PARD3: variants seen among roughly 807,000 people sequenced by gnomAD.
PARD3 encodes the protein par-3 family cell polarity regulator.
In PARD3, 75 loss-of-function variants were observed where a neutral mutation model predicts 155.4. That is an observed-to-expected ratio of 0.48 (90% CI 0.40 to 0.58). PARD3 has a LOEUF of 0.58. Among genes scored for constraint, PARD3 ranks in the 20% least tolerant of loss-of-function variants. The pLI, the probability that PARD3 is intolerant of heterozygous loss-of-function variation, is 0.00. For synonymous variants in PARD3, 576 were observed against 610.5 expected, an observed-to-expected ratio of 0.94 and a Z score of 0.83; for missense variants, 1,642 against 1,721.7, an observed-to-expected ratio of 0.95 and a Z score of 0.82.
chr10:34,423,993 A>T (rs1276424507), intron 5 of PARD3, among the ~76,000 whole-genome samples: 3 of 152,212 alleles, frequency 2.0e-5, no homozygotes, highest in African/African-American at 7.2e-5. Context: ...ATATTATTCC[A>T]GCAAAAAGCA....
At chr10:34,548,931 T>C (rs1310799583) in intron 2 of PARD3, among the ~76,000 whole-genome samples, 3 of 152,216 alleles carry the variant, frequency 2.0e-5, no homozygotes, top group South Asian at 4.1e-4. Flanking sequence ...TATCCATTCT[T>C]AGACCTTACA....
intron 2 of PARD3, among the ~76,000 whole-genome samples, chr10:34,633,422 G>C (rs761035709): frequency 6.6e-6 from 1 of 150,862 alleles, no homozygotes; most frequent in South Asian, 2.1e-4. Flanking sequence ...CAGATTCTGC[G>C]TATCCGTGAA....
At chr10:34,624,791 G>A (rs1259140931) in intron 2 of PARD3, among the ~76,000 whole-genome samples, 2 of 152,200 alleles carry the variant, frequency 1.3e-5, no homozygotes, top group Admixed American at 6.5e-5. Flanking sequence ...GAGGGCTGTC[G>A]GGGCTGCGTC....
At chr10:34,748,556 C>T (rs749539818) in intron 1 of PARD3, among the ~76,000 whole-genome samples, 3 of 152,130 alleles carry the variant, frequency 2.0e-5, no homozygotes, top group Non-Finnish European at 2.9e-5. Context: ...CCCCTCGCTC[C>T]TCTGTAAGCA....
At chr10:34,791,405 C>T (rs1841598317) in intron 1 of PARD3, among the ~76,000 whole-genome samples, 1 of 152,202 alleles carries the variant, frequency 6.6e-6, no homozygotes, top group Admixed American at 6.5e-5. Context: ...TCACCAAGCC[C>T]GGGACCAGGC....
intron 2 of PARD3, among the ~76,000 whole-genome samples, chr10:34,622,593 C>G (rs1440430022): frequency 6.6e-6 from 1 of 152,164 alleles, no homozygotes; most frequent in African/African-American, 2.4e-5. Flanking sequence ...GCAAGATTAT[C>G]AATTCCAGTT....
chr10:34,608,102 T>C (rs2090606483), intron 2 of PARD3, among the ~76,000 whole-genome samples: 1 of 152,158 alleles, frequency 6.6e-6, no homozygotes, highest in African/African-American at 2.4e-5. Flanking sequence ...CTCCAAACTC[T>C]TCCACATACT....
chr10:34,399,657 T>A (rs1449078048), intron 6 of PARD3, among the ~76,000 whole-genome samples: 3 of 152,168 alleles, frequency 2.0e-5, no homozygotes. Flanking sequence ...GGGAGAGCAA[T>A]CATCAGAGAT....
intron 4 of PARD3, among the ~76,000 whole-genome samples, chr10:34,462,796 A>G (rs769866099): frequency 3.3e-5 from 5 of 151,554 alleles, no homozygotes; most frequent in Non-Finnish European, 7.4e-5. Context: ...CCATGCACTG[A>G]ACTCCAGCCT....
chr10:34,477,236 C>A (rs1370225108), intron 3 of PARD3, among the ~76,000 whole-genome samples: 1 of 152,142 alleles, frequency 6.6e-6, no homozygotes, highest in Non-Finnish European at 1.5e-5. Flanking sequence ...TTTAGCAAAA[C>A]TGATGCATTT....
intron 2 of PARD3, among the ~76,000 whole-genome samples, chr10:34,604,918 A>G (rs1341721602): frequency 1.3e-5 from 2 of 151,798 alleles, no homozygotes; most frequent in Admixed American, 1.3e-4. Context: ...AAAAATCTCA[A>G]TGTTACTAAA....
chr10:34,431,777 T>C (rs1589551208), intron 5 of PARD3, among the ~76,000 whole-genome samples: 1 of 67,388 alleles, frequency 1.5e-5, no homozygotes, highest in Non-Finnish European at 3.8e-5. Flanking sequence ...ATGCCGGGTA[T>C]GGTGGCTCAT....
chr10:34,646,723 T>C (rs890703517), intron 2 of PARD3, among the ~76,000 whole-genome samples: 6 of 152,184 alleles, frequency 3.9e-5, no homozygotes, highest in African/African-American at 9.7e-5. Context: ...TGGAGTGCAA[T>C]AGCACAATCA....
At chr10:34,506,733 T>C (rs776260709) in intron 3 of PARD3, among the ~76,000 whole-genome samples, 1 of 152,178 alleles carries the variant, frequency 6.6e-6, no homozygotes, top group Non-Finnish European at 1.5e-5. Context: ...GTTTTATGGA[T>C]GAAAAATGTC....
chr10:34,293,215 A>G (rs1320113642), intron 20 of PARD3, among the ~76,000 whole-genome samples: 1 of 152,224 alleles, frequency 6.6e-6, no homozygotes, highest in Non-Finnish European at 1.5e-5. Flanking sequence ...AAAGAAGATG[A>G]GTGAAAGCAT....
At position 34,589,661 on chromosome 10, in the gene PARD3, A is replaced by T. The variant is rs554990057; in HGVS notation, c.223-72502T>A. ...CAAAAAAAAAAAAAAAAAAAAAACC[A>T]AGCATGTCAAAATATAGTTTCTTCC... On this transcript the variant is annotated intron_variant, in intron 2 of 24. Coordinates refer to ENST00000374788, the MANE Select transcript of PARD3 (RefSeq NM_001184785.2). 1.3e-4 allele frequency among the ~76,000 whole-genome samples: 19 copies of T among 140,910 alleles called. No individual in the cohort carries two copies. The East Asian group carries it at 3.7e-3, about 27-fold the overall frequency. The allele number at this position is 140,910 out of a possible 152,430, so 92.4% of individuals were successfully genotyped here.
intron 3 of PARD3, among the ~76,000 whole-genome samples, chr10:34,507,297 A>T (rs2081129379): frequency 6.6e-6 from 1 of 152,172 alleles, no homozygotes; most frequent in African/African-American, 2.4e-5. Flanking sequence ...TTAAATGCTC[A>T]TCTTAAGAGA....
chr10:34,345,526 G>A (rs1335904267), intron 15 of PARD3: 1 of 985,094 alleles, frequency 1.0e-6, no homozygotes, highest in Non-Finnish European at 1.2e-6. Context: ...CAAACATATA[G>A]AAGACAATCA....
intron 9 of PARD3, among the ~76,000 whole-genome samples, chr10:34,381,457 T>C (rs1015486359): frequency 6.6e-6 from 1 of 152,152 alleles, no homozygotes; most frequent in African/African-American, 2.4e-5. Context: ...GGACGAAACA[T>C]TGGGTGAAAA....
Sources: allele counts gnomAD v4.1 joint callset (sites outside exome capture counted in the v4.1 genomes callset), GRCh38; gene constraint gnomAD v4.1.1; transcripts MANE v1.5; gene names NCBI Gene and HGNC (gene_info 2026-07-23, HGNC 2026-07-21).